Variants in FARS2 observed in about 807,000 individuals in gnomAD.
FARS2 encodes the protein phenylalanyl-tRNA synthetase 2, mitochondrial.
A neutral mutation model predicts 46.4 loss-of-function variants in FARS2; 40 were observed. The observed-to-expected ratio is 0.86, with a 90% CI of 0.67 to 1.12. FARS2 has a LOEUF of 1.12. Among genes scored for constraint, FARS2 ranks in the 50% most tolerant of loss-of-function variants. The probability of loss-of-function intolerance (pLI) is 0.00; values close to 1 mark genes in which losing one functional copy is unlikely to be tolerated. For missense variants in FARS2, 513 were observed against 567.9 expected, an observed-to-expected ratio of 0.90 and a Z score of 0.98; for synonymous variants, 234 against 214.9, an observed-to-expected ratio of 1.09 and a Z score of -0.78.
chr6:5,405,589 T>C (rs1761539271), intron 3 of FARS2, among the ~76,000 whole-genome samples: 1 of 147,676 alleles, frequency 6.8e-6, no homozygotes, highest in Non-Finnish European at 1.5e-5. Context: ...GCCTCCTGGG[T>C]TCACGCCATT....
At chr6:5,336,663 A>T (rs1226233987) in intron 1 of FARS2, among the ~76,000 whole-genome samples, 1 of 152,042 alleles carries the variant, frequency 6.6e-6, no homozygotes, top group Non-Finnish European at 1.5e-5. Flanking sequence ...ATCCAATTAC[A>T]CCCTTTATTT....
chr6:5,313,238 G>A (rs891269718), intron 1 of FARS2, among the ~76,000 whole-genome samples: 31 of 152,176 alleles, frequency 2.0e-4, no homozygotes, highest in South Asian at 6.2e-4. Flanking sequence ...GCTGGGATGT[G>A]CTACCACATT....
In FARS2 at chr6:5,547,381, G is replaced by GT. The variant is rs905542582; in HGVS notation, c.1065+2051dup. Among the ~76,000 whole-genome samples, 10 of 146,346 alleles carry GT rather than the reference G, an allele frequency of 6.8e-5. No homozygotes were observed. In the Middle Eastern group the frequency reaches 0.01, roughly 152 times the overall value. ...TTCCTGCTGCTTCACTTGTCTTTTTGTTTTTTTTTTAATTGTGTTTGAATG... is the reference window on the plus strand; with the variant it reads ...TTCCTGCTGCTTCACTTGTCTTTTTGTTTTTTTTTTTAATTGTGTTTGAATG... On this transcript the variant is annotated intron_variant, in intron 5 of 6. Coordinates refer to ENST00000274680, the MANE Select transcript of FARS2 (RefSeq NM_006567.5).
intron 1 of FARS2, among the ~76,000 whole-genome samples, chr6:5,348,959 A>G (rs1757406894): frequency 6.6e-6 from 1 of 152,220 alleles, no homozygotes; most frequent in Admixed American, 6.5e-5. Flanking sequence ...ACATCATACT[A>G]GAAGTTCTAG....
At chr6:5,432,495 ATATATTTTT>A (rs1256985252) in intron 4 of FARS2, among the ~76,000 whole-genome samples, 2 of 125,612 alleles carry the variant, frequency 1.6e-5, no homozygotes, top group Non-Finnish European at 3.2e-5. Flanking sequence ...TATATATTAT[ATATATTTTT>A]TATATCCCAA....
In FARS2 at chr6:5,315,738, T is replaced by TTTCTTTCTTTCTTTCTTTCTTTCTTTC; in HGVS notation, c.-21-52809_-21-52808insTTTCTTTCTTTCTTTCTTTCTTTCTTC. ...TTTCTCTTTCTTTCTTTCTTTCTTT[T>TTTCTTTCTTTCTTTCTTTCTTTCTTTC]TTCCTTTCTTTCTTTCTTTCTTTTT... On this transcript the variant is annotated intron_variant, in intron 1 of 6. Transcript: ENST00000274680. Among the ~76,000 whole-genome samples the TTTCTTTCTTTCTTTCTTTCTTTCTTTC allele has an allele frequency of 9.3e-3, 1,170 of 125,170 alleles. 31 individuals carry two copies. Among genetic ancestry groups the TTTCTTTCTTTCTTTCTTTCTTTCTTTC allele is most frequent in the African/African-American group, 0.018 (563 of 31,510 alleles). The allele number at this position is 125,170 out of a possible 152,430, so 82.1% of individuals were successfully genotyped here.
At chr6:5,619,437 TC>T (rs1285738711) in intron 6 of FARS2, among the ~76,000 whole-genome samples, 1 of 152,124 alleles carries the variant, frequency 6.6e-6, no homozygotes, top group African/African-American at 2.4e-5. Flanking sequence ...GCCTGCCACT[TC>T]CTGCTCACAG....
At chr6:5,364,380 G>T (rs548586634) in intron 1 of FARS2, among the ~76,000 whole-genome samples, 228 of 152,262 alleles carry the variant, frequency 1.5e-3, no homozygotes, top group African/African-American at 5.4e-3. Flanking sequence ...GCGAAGTCTG[G>T]CCTATTGCCC....
chr6:5,425,677 A>G (rs1185607232), intron 3 of FARS2, among the ~76,000 whole-genome samples: 2 of 152,196 alleles, frequency 1.3e-5, no homozygotes, highest in Non-Finnish European at 1.5e-5. Flanking sequence ...AATTCTTGCT[A>G]TACCTCTTCC....
Position 5,478,022 on chromosome 6 carries a change from AAAAC to A in FARS2, c.904+46866_904+46869del, listed in dbSNP as rs201790711. 8.4e-3 allele frequency among the ~76,000 whole-genome samples: 1,276 copies of A among 152,068 alleles called. 19 individuals are homozygous for A. Among genetic ancestry groups the A allele is most frequent in the African/African-American group, 0.029 (1,200 of 41,444 alleles). On this transcript the variant is annotated intron_variant, in intron 4 of 6. Coordinates refer to ENST00000274680, the MANE Select transcript of FARS2 (RefSeq NM_006567.5). ...GTGAAAGAGCGAGACCCTGTCTCAGAAAACAAACAAACAAACAAAAAACAAACCA... is the reference window on the plus strand; with the variant it reads ...GTGAAAGAGCGAGACCCTGTCTCAGAAAACAAACAAACAAAAAACAAACCA...
chr6:5,484,902 C>T (rs1766684943), intron 4 of FARS2, among the ~76,000 whole-genome samples: 1 of 152,138 alleles, frequency 6.6e-6, no homozygotes, highest in Admixed American at 6.5e-5. Flanking sequence ...GCCTGGACTC[C>T]TGGGGCTGTG....
chr6:5,540,359 C>T (rs891749309), intron 4 of FARS2, among the ~76,000 whole-genome samples: 1 of 152,208 alleles, frequency 6.6e-6, no homozygotes, highest in Non-Finnish European at 1.5e-5. Flanking sequence ...TTCCATTTCT[C>T]ATCTGTGAAA....
At chr6:5,628,919 G>A (rs1776161934) in intron 6 of FARS2, among the ~76,000 whole-genome samples, 1 of 152,220 alleles carries the variant, frequency 6.6e-6, no homozygotes. Flanking sequence ...TTCAGGCACT[G>A]GCAGAGGACA....
At chr6:5,286,903 C>T (rs749233971) in intron 1 of FARS2, among the ~76,000 whole-genome samples, 2 of 152,154 alleles carry the variant, frequency 1.3e-5, no homozygotes, top group Admixed American at 1.3e-4. Flanking sequence ...GAAACTCCTC[C>T]CGGGGCATGT....
chr6:5,475,175 T>A lies in FARS2; in HGVS notation c.904+44003T>A, dbSNP rs190275087. Among the ~76,000 whole-genome samples, 1,365 of 152,304 alleles carry A rather than the reference T, an allele frequency of 9.0e-3. 27 individuals are homozygous for A. The highest frequency in any genetic ancestry group is 0.031 in the African/African-American group (1,295 of 41,568). The stretch of plus-strand genomic sequence containing the variant: ...GGGTACTGGGGAAGGTTTTGTGGCA[T>A]CTGACTTAGTCTTTGAAGAGGTTCC... On this transcript the variant is annotated intron_variant, in intron 4 of 6. Coordinates refer to ENST00000274680, the MANE Select transcript of FARS2 (RefSeq NM_006567.5).
intron 4 of FARS2, among the ~76,000 whole-genome samples, chr6:5,459,156 G>A (rs79360308): frequency 0.012 from 1,794 of 152,274 alleles, 30 homozygotes; most frequent in African/African-American, 0.041. Context: ...CTAATAATCC[G>A]TGTCTTGGAC....
Position 5,369,079 on chromosome 6 carries a change from C to T in FARS2, c.509C>T (p.Ala170Val), listed in dbSNP as rs141568455. The change falls in exon 2 of 7, where the codon GCC becomes GTC. Residue 170 changes from alanine (A) to valine (V), a missense_variant. Ala to Val is a moderately conservative substitution (Grantham distance 64). Coordinates refer to ENST00000274680, the MANE Select transcript of FARS2 (RefSeq NM_006567.5). ...GACTTGCTGCACGCGGGACTGGATG[C>T]CTTCCTGGTGGTGGGTGATGTCTAC... ...QWDLLHAGLD[A>V]FLVVGDVYRR... 1.9e-6 allele frequency: 3 copies of T among 1,613,858 alleles called. No homozygotes were observed. Among genetic ancestry groups the T allele is most frequent in the Non-Finnish European group, 2.5e-6 (3 of 1,180,020 alleles).
chr6:5,652,121 A>G (rs80313597), intron 6 of FARS2, among the ~76,000 whole-genome samples: 6,521 of 152,242 alleles, frequency 0.043, 315 homozygotes, highest in African/African-American at 0.11. Context: ...TGGGCAGGAG[A>G]TGTGAGGCAT....
intron 6 of FARS2, among the ~76,000 whole-genome samples, chr6:5,698,969 C>A (rs984157215): frequency 6.6e-6 from 1 of 152,108 alleles, no homozygotes; most frequent in Non-Finnish European, 1.5e-5. Flanking sequence ...TGCTAAGGGG[C>A]GGGCACAGGC....
Sources: gnomAD v4.1 joint callset for allele counts (sites outside exome capture counted in the v4.1 genomes callset) on GRCh38, gnomAD v4.1.1 for gene constraint, MANE v1.5 for transcripts, NCBI Gene and HGNC (gene_info 2026-07-23, HGNC 2026-07-21) for gene names.